The following PES1 variants were observed in gnomAD, a reference collection of about 807,000 sequenced individuals.
PES1 encodes pescadillo ribosomal biogenesis factor 1.
A neutral mutation model predicts 77.1 loss-of-function variants in PES1; 31 were observed. That is an observed-to-expected ratio of 0.40 (90% CI 0.30 to 0.54). The LOEUF is 0.54. Ranked by LOEUF, PES1 falls within the 20% of genes least tolerant of loss-of-function variation. PES1 has a pLI of 0.45. For synonymous variants in PES1, 282 were observed against 303.0 expected (o/e 0.93, Z 0.72); for missense variants, 658 against 771.7 (o/e 0.85, Z 1.75).
intron 4 of PES1, 183 bp downstream of exon 4, chr22:30,587,103 G>C: frequency 1.7e-6 from 1 of 578,062 alleles, no homozygotes; most frequent in Non-Finnish European, 3.1e-6. Context: ...TGACAAGCCT[G>C]TAACTACAAA....
At chr22:30,604,755 C>G (rs1469014260) in intron 2 of PES1, among the ~76,000 whole-genome samples, 2 of 152,140 alleles carry the variant, frequency 1.3e-5, no homozygotes, top group Non-Finnish European at 2.9e-5. Flanking sequence ...TTTACTTTCT[C>G]ATTCCAAGCT....
At chr22:30,587,424 G>A (rs778250838) in intron 3 of PES1, 29 bp from the exon 4 acceptor site, 4 of 1,530,722 alleles carry the variant, frequency 2.6e-6, no homozygotes, top group Non-Finnish European at 3.6e-6. Flanking sequence ...ACACCTCAAT[G>A]CTGAGGCTCA....
At chr22:30,584,235 C>T (rs568242683) in intron 6 of PES1, 130 bp downstream of exon 6, 9 of 723,550 alleles carry the variant, frequency 1.2e-5, no homozygotes, top group Admixed American at 1.1e-4. Context: ...TCTGCCGCGC[C>T]TCACCCCTCA....
intron 1 of PES1, chr22:30,606,664 C>T (rs1175046949): frequency 6.5e-6 from 1 of 154,346 alleles, no homozygotes; most frequent in African/African-American, 2.6e-5. Flanking sequence ...ACCCACCCTC[C>T]CCTCAATTGC....
At chr22:30,598,885 ATTTTTTTTTTTTTTTTTTT>A (rs71200084) in intron 2 of PES1, among the ~76,000 whole-genome samples, 1 of 51,190 alleles carries the variant, frequency 2.0e-5, no homozygotes, top group Non-Finnish European at 3.4e-5. Context: ...CTTAAGTAAA[ATTTTTTTTTTTTTTTTTTT>A]TTTTTTTTTT....
Position 30,587,395 on chromosome 22 carries a change from C to A in PES1, c.259G>T (p.Val87Leu). 1.9e-6 allele frequency: 3 copies of A among 1,611,398 alleles called. No individual in the cohort carries two copies. Among genetic ancestry groups the A allele is most frequent in the Non-Finnish European group, 2.5e-6 (3 of 1,177,736 alleles). The change falls in exon 4 of 15, where the codon GTG (valine) becomes TTG (leucine). Residue 87 changes from valine (V) to leucine (L), a missense_variant and splice_region_variant. Val to Leu is a conservative substitution (Grantham distance 32, BLOSUM62 1). Coordinates refer to ENST00000354694, the MANE Select transcript of PES1 (RefSeq NM_014303.4). ...PIVNKFREYKVFVRKLRKAYG... is the reference protein window; with the variant it reads ...PIVNKFREYKLFVRKLRKAYG... ...GCCTTCCGGAGCTTCCGGACGAACA[C>A]CTGGAAGAAAGAAAGAAAACACCTC...
chr22:30,580,560 A>G lies in PES1; in HGVS notation c.1043+11T>C. The G allele has an allele frequency of 1.2e-6, 2 of 1,613,566 alleles. No homozygotes were observed. The highest frequency in any genetic ancestry group is 1.7e-6 in the Non-Finnish European group (2 of 1,179,900). ...AACCAATGCTGTCAGCGGGCCCTTGAGCCTCCCTACCTGATGATGAAGGCC... is the reference window on the plus strand; with the variant it reads ...AACCAATGCTGTCAGCGGGCCCTTGGGCCTCCCTACCTGATGATGAAGGCC... On this transcript the variant is annotated intron_variant, in intron 10 of 14. Coordinates refer to ENST00000354694, the MANE Select transcript of PES1 (RefSeq NM_014303.4).
intron 2 of PES1, among the ~76,000 whole-genome samples, chr22:30,597,876 A>ATTT (rs1210779167): frequency 1.4e-4 from 18 of 125,158 alleles, no homozygotes; most frequent in African/African-American, 5.2e-4. Context: ...ACGCAGTTGA[A>ATTT]GTTTTGTTTT....
In PES1 at chr22:30,579,149, C is replaced by T; in HGVS notation, c.1509G>A (p.Arg503=). 1 of 1,609,110 alleles carries T rather than the reference C, an allele frequency of 6.2e-7. No homozygotes were observed. ...CAGCTCCCCCTACCTTCCCCTCCAT[C>T]CTCTGCTCTTCCAGGGCTGCCAGCC... ...EARLAALEEQ[R]MEGKKPRVMA... The change falls in exon 13 of 15, where the codon AGG becomes AGA. Residue 503 remains arginine (R), a synonymous_variant. Transcript: ENST00000354694.
chr22:30,606,814 CACTGCA>C (rs1158786896), exon 1 of PES1: 1 of 997,580 alleles, frequency 1.0e-6, no homozygotes, highest in Non-Finnish European at 1.2e-6. Context: ...CTCACGTGAC[CACTGCA>C]GCTGCAGCTC....
At chr22:30,591,717 T>G in intron 1 of PES1, 93 bp downstream of exon 1, 3 of 1,415,966 alleles carry the variant, frequency 2.1e-6, no homozygotes, top group Non-Finnish European at 2.9e-6. Flanking sequence ...CTTTCCAGTC[T>G]CCACGAGACG....
chr22:30,580,876 A>T (rs2086973974), intron 9 of PES1, 136 bp downstream of exon 9: 1 of 1,166,106 alleles, frequency 8.6e-7, no homozygotes, highest in Non-Finnish European at 1.2e-6. Context: ...CTCTGATGAC[A>T]ATTCAGCCCA....
At chr22:30,598,027 G>A (rs1332025511) in intron 2 of PES1, among the ~76,000 whole-genome samples, 3 of 151,346 alleles carry the variant, frequency 2.0e-5, no homozygotes, top group South Asian at 2.1e-4. Context: ...GGGACTACAG[G>A]CGCCCGCCAC....
In PES1 at chr22:30,579,191, T is replaced by C; in HGVS notation, c.1467A>G (p.Glu489=). 2.5e-6 allele frequency: 4 copies of C among 1,608,090 alleles called. No individual in the cohort carries two copies. The highest frequency in any genetic ancestry group is 3.4e-6 in the Non-Finnish European group (4 of 1,179,358). Residue 489 remains glutamate (E), a synonymous_variant, in exon 13 of 15, where the codon GAA becomes GAG. Coordinates refer to ENST00000354694, the MANE Select transcript of PES1 (RefSeq NM_014303.4). ...CTGCCAGCCGGGCCTCTTCCTCCTT[T>C]TCTGAACCAGCCTCTGCATCTTCCT... is the stretch of plus-strand genomic sequence containing the variant. ...EEEEDAEAGS[E]KEEEARLAAL...
chr22:30,579,844 G>A lies in PES1; in HGVS notation c.1261C>T (p.Pro421Ser). 3 of 1,614,044 alleles carry A rather than the reference G, an allele frequency of 1.9e-6. No individual in the cohort carries two copies. The highest frequency in any genetic ancestry group is 1.7e-6 in the Non-Finnish European group (2 of 1,180,006). Residue 421 changes from proline (P) to serine (S), a missense_variant, in exon 12 of 15, where the codon CCA becomes TCA. Pro to Ser is a moderately conservative substitution (Grantham distance 74). Transcript: ENST00000354694. ...TCGGTCACAAAGGGTGAAAGGTGTG[G>A]GGGCAGCTGCACCCCAGAGAAGTAC... The part of the protein sequence containing the change: ...AEYFSGVQLP[P>S]HLSPFVTEKE...
At chr22:30,604,436 C>G (rs2087405357) in intron 2 of PES1, among the ~76,000 whole-genome samples, 1 of 151,792 alleles carries the variant, frequency 6.6e-6, no homozygotes, top group Non-Finnish European at 1.5e-5. Flanking sequence ...AGTCCGAGAC[C>G]AACCTGGCCA....
chr22:30,596,231 C>T (rs1243005393), upstream of PES1, among the ~76,000 whole-genome samples: 1 of 152,176 alleles, frequency 6.6e-6, no homozygotes, highest in African/African-American at 2.4e-5. Context: ...AAACTCTTTA[C>T]AGTGTTACTA....
chr22:30,598,812 T>A (rs770636292), intron 2 of PES1, among the ~76,000 whole-genome samples: 36 of 150,950 alleles, frequency 2.4e-4, no homozygotes, highest in Non-Finnish European at 4.9e-4. Flanking sequence ...TGGTACCAAG[T>A]TGACTTAAAA....
chr22:30,592,428 C>T, upstream of PES1: 1 of 985,462 alleles, frequency 1.0e-6, no homozygotes, highest in Non-Finnish European at 1.2e-6. Flanking sequence ...GACATTTTTC[C>T]TCGCGGAGGT....
Sources: allele counts gnomAD v4.1 joint callset (sites outside exome capture counted in the v4.1 genomes callset), GRCh38; gene constraint gnomAD v4.1.1; transcripts MANE v1.5; gene names NCBI Gene and HGNC (gene_info 2026-07-23, HGNC 2026-07-21).